The following PHTF2 variants were observed in gnomAD, a reference collection of about 807,000 sequenced individuals.
The protein encoded by PHTF2 is protein PHTF2.
In PHTF2, 60 loss-of-function variants were observed where a neutral mutation model predicts 101.2. That is an observed-to-expected ratio of 0.59 (90% confidence interval 0.48 to 0.73). The LOEUF (loss-of-function observed/expected upper bound fraction) is 0.73, where lower values mean the gene tolerates loss of function less well. Among genes scored for constraint, PHTF2 ranks in the 30% least tolerant of loss-of-function variants. The pLI is 0.00. For missense variants in PHTF2, 747 were observed against 908.7 expected, an observed-to-expected ratio of 0.82 and a Z score of 2.29; for synonymous variants, 311 against 307.3, an observed-to-expected ratio of 1.01 and a Z score of -0.13.
intron 1 of PHTF2, among the ~76,000 whole-genome samples, chr7:77,804,450 C>T (rs145202963): frequency 0.013 from 1,977 of 152,228 alleles, 40 homozygotes; most frequent in African/African-American, 0.043. Context: ...CTCAGCCTTG[C>T]GAGTAGCTGG....
rs752587008 is a variant in PHTF2 at position 77,840,240 on chromosome 7, G to A, written c.-16G>A. The A allele has an allele frequency of 6.3e-7, 1 of 1,596,204 alleles. No homozygotes were observed. The highest frequency in any genetic ancestry group is 8.6e-7 in the Non-Finnish European group (1 of 1,163,914). ...GCACAGCCTAAAATGACCAATGTGTGATTTCAGTGGAATAAATGGCGTCCA... is the reference window on the plus strand; with the variant it reads ...GCACAGCCTAAAATGACCAATGTGTAATTTCAGTGGAATAAATGGCGTCCA... On this transcript the variant is annotated 5_prime_UTR_variant, in exon 2 of 20. It removes the in-frame stop codon of an upstream open reading frame in the 5' UTR. Coordinates refer to ENST00000416283, the Ensembl canonical transcript of PHTF2.
intron 11 of PHTF2, among the ~76,000 whole-genome samples, chr7:77,924,709 A>C (rs1470405276): frequency 6.6e-6 from 1 of 152,194 alleles, no homozygotes; most frequent in Non-Finnish European, 1.5e-5. Context: ...CCAGATGGCA[A>C]TATCTGTAGA....
At chr7:77,799,453 C>A (rs1483153366) in intron 1 of PHTF2, among the ~76,000 whole-genome samples, 1 of 152,134 alleles carries the variant, frequency 6.6e-6, no homozygotes, top group Non-Finnish European at 1.5e-5. Context: ...GCGGCTCGCG[C>A]GCTGGAGGAG....
Position 77,907,280 on chromosome 7 carries a change from T to TA in PHTF2, c.446-1512dup, listed in dbSNP as rs570455713. ...TTTTAAATTTTTTTTTCTTATTACT[T>TA]ACAGTTACATACAGCTGAAATTTGT... On this transcript the variant is annotated intron_variant, in intron 7 of 19. Coordinates refer to ENST00000416283, the Ensembl canonical transcript of PHTF2. 8.5e-5 allele frequency among the ~76,000 whole-genome samples: 13 copies of TA among 152,302 alleles called. No individual in the cohort carries two copies. The East Asian group carries it at 2.5e-3, about 29-fold the overall frequency.
intron 15 of PHTF2, 71 bp downstream of exon 14, chr7:77,940,730 A>T: frequency 9.1e-7 from 1 of 1,103,006 alleles, no homozygotes; most frequent in East Asian, 2.5e-5. Context: ...CTTTATCAAT[A>T]TATATTTGTC....
At chr7:77,859,026 T>C (rs1797406996) in intron 3 of PHTF2, among the ~76,000 whole-genome samples, 1 of 152,152 alleles carries the variant, frequency 6.6e-6, no homozygotes, top group South Asian at 2.1e-4. Flanking sequence ...TTCTCTGCTT[T>C]CTCCTAACTT....
chr7:77,955,086 G>C (rs183905097), exon 20 of PHTF2: 10 of 311,132 alleles, frequency 3.2e-5, no homozygotes, highest in Admixed American at 3.0e-4. Flanking sequence ...TTATTTTTAA[G>C]CATTGATGTA....
intron 8 of PHTF2, 32 bp from the exon 8 acceptor site, chr7:77,910,213 C>G: frequency 1.3e-6 from 2 of 1,575,790 alleles, no homozygotes; most frequent in Non-Finnish European, 1.7e-6. Flanking sequence ...AATATTAAAG[C>G]TGCCTTCCAT....
chr7:77,948,517 T>G (rs1438081742), intron 16 of PHTF2, among the ~76,000 whole-genome samples: 1 of 152,072 alleles, frequency 6.6e-6, no homozygotes, highest in Non-Finnish European at 1.5e-5. Flanking sequence ...AACCAGAATC[T>G]GGGAAAGATA....
chr7:77,827,235 TAGG>T (rs1335732638), intron 1 of PHTF2, among the ~76,000 whole-genome samples: 2 of 152,216 alleles, frequency 1.3e-5, no homozygotes, highest in Admixed American at 6.5e-5. Flanking sequence ...TTCTAAATGT[TAGG>T]AGGAACTTTT....
chr7:77,911,375 T>TA (rs919956748), intron 9 of PHTF2, among the ~76,000 whole-genome samples: 43 of 151,864 alleles, frequency 2.8e-4, no homozygotes, highest in East Asian at 1.2e-3. Context: ...CAGCAAACAT[T>TA]AAAAAAAACC....
At chr7:77,892,312 A>G (rs1800511027) in intron 3 of PHTF2, among the ~76,000 whole-genome samples, 1 of 152,146 alleles carries the variant, frequency 6.6e-6, no homozygotes, top group Non-Finnish European at 1.5e-5. Flanking sequence ...AACAGACATT[A>G]AAGGTTCTTA....
chr7:77,837,818 A>T (rs1246126609), intron 1 of PHTF2, among the ~76,000 whole-genome samples: 2 of 152,150 alleles, frequency 1.3e-5, no homozygotes, highest in African/African-American at 2.4e-5. Context: ...TATTATTTAT[A>T]TGTGAACATT....
chr7:77,935,726 T>C (rs899132978), intron 12 of PHTF2, among the ~76,000 whole-genome samples: 30 of 152,210 alleles, frequency 2.0e-4, no homozygotes, highest in African/African-American at 7.0e-4. Flanking sequence ...GGTATTGATA[T>C]TCCTTTCTTC....
chr7:77,889,757 AT>A (rs971478560), intron 3 of PHTF2, among the ~76,000 whole-genome samples: 5 of 151,186 alleles, frequency 3.3e-5, no homozygotes, highest in Admixed American at 6.6e-5. Context: ...CGCCTGGCTA[AT>A]TTTTTTTGTG....
At chr7:77,897,637 A>C (rs892427162) in intron 5 of PHTF2, among the ~76,000 whole-genome samples, 1 of 152,158 alleles carries the variant, frequency 6.6e-6, no homozygotes, top group Non-Finnish European at 1.5e-5. Flanking sequence ...CCCCAAGCCA[A>C]TTGAAAATTT....
At chr7:77,844,870 C>T (rs1180436315) in intron 2 of PHTF2, among the ~76,000 whole-genome samples, 1 of 152,186 alleles carries the variant, frequency 6.6e-6, no homozygotes, top group Non-Finnish European at 1.5e-5. Flanking sequence ...TTTTAAAAGT[C>T]CTTTAATATC....
chr7:77,937,078 T>C (rs1436415662), intron 12 of PHTF2, among the ~76,000 whole-genome samples: 1 of 140,276 alleles, frequency 7.1e-6, no homozygotes, highest in African/African-American at 2.7e-5. Flanking sequence ...TTGCTTTATC[T>C]GGAAAAAAAA....
At chr7:77,951,794 TTGTA>T (rs1292793171) in intron 18 of PHTF2, 82 bp downstream of exon 17, 6 of 629,298 alleles carry the variant, frequency 9.5e-6, no homozygotes, top group Non-Finnish European at 1.6e-5. Context: ...AGATATTACT[TTGTA>T]TGTGGTTTTC....
Sources: gnomAD v4.1 joint callset for allele counts (sites outside exome capture counted in the v4.1 genomes callset) on GRCh38, gnomAD v4.1.1 for gene constraint, MANE v1.5 for transcripts, NCBI Gene and HGNC (gene_info 2026-07-23, HGNC 2026-07-21) for gene names.